SH3PXD2A: variants seen among roughly 807,000 people sequenced by gnomAD.
SH3PXD2A encodes SH3 and PX domain-containing protein 2A.
Under a neutral mutation model 115.2 loss-of-function variants are expected in SH3PXD2A, and 32 were observed. The ratio of observed to expected loss-of-function variants is 0.28; its 90% CI spans 0.21 to 0.37. The LOEUF (loss-of-function observed/expected upper bound fraction) is 0.37, where lower values mean the gene tolerates loss of function less well. Among genes scored for constraint, SH3PXD2A ranks in the 10% least tolerant of loss-of-function variants. The pLI is 1.00. For synonymous variants in SH3PXD2A, 610 were observed against 629.1 expected (o/e 0.97, Z 0.45); for missense variants, 1,328 against 1,498.7 (o/e 0.89, Z 1.88).
chr10:103,732,942 G>A (rs2038339436), intron 4 of SH3PXD2A, among the ~76,000 whole-genome samples: 1 of 152,188 alleles, frequency 6.6e-6, no homozygotes, highest in South Asian at 2.1e-4. Context: ...ATAGCTAGGT[G>A]GCAGTGGCCA....
chr10:103,836,039 C>T (rs73340551), intron 1 of SH3PXD2A, among the ~76,000 whole-genome samples: 30,598 of 152,072 alleles, frequency 0.2, 3,651 homozygotes, highest in Non-Finnish European at 0.27. Context: ...GAGTGAGTGA[C>T]TCAGCCTTTC....
At chr10:103,792,036 C>T (rs1029746349) in intron 2 of SH3PXD2A, among the ~76,000 whole-genome samples, 1 of 152,046 alleles carries the variant, frequency 6.6e-6, no homozygotes, top group Non-Finnish European at 1.5e-5. Flanking sequence ...AGGCCACAGG[C>T]ACAAGTTGAA....
chr10:103,818,652 A>G (rs1305860519), intron 1 of SH3PXD2A, among the ~76,000 whole-genome samples: 2 of 152,186 alleles, frequency 1.3e-5, no homozygotes, highest in African/African-American at 4.8e-5. Context: ...GGATAGAGAA[A>G]CTGCACTTAA....
intron 10 of SH3PXD2A, among the ~76,000 whole-genome samples, chr10:103,618,204 G>A (rs1431053310): frequency 6.6e-6 from 1 of 152,230 alleles, no homozygotes; most frequent in Non-Finnish European, 1.5e-5. Flanking sequence ...GGGAGGGCAG[G>A]TGTGGGGAGA....
At chr10:103,823,803 G>A (rs2039403644) in intron 1 of SH3PXD2A, among the ~76,000 whole-genome samples, 1 of 152,228 alleles carries the variant, frequency 6.6e-6, no homozygotes, top group South Asian at 2.1e-4. Context: ...GGGAGTGGGA[G>A]GCAGGGAGGT....
intron 6 of SH3PXD2A, among the ~76,000 whole-genome samples, chr10:103,688,626 G>T (rs151295351): frequency 3.9e-5 from 6 of 152,332 alleles, no homozygotes; most frequent in African/African-American, 1.2e-4. Context: ...AGGCCACGTA[G>T]AAGAATGTGT....
Position 103,594,259 on chromosome 10 carries a change from A to C in SH3PXD2A, c.*7557T>G, listed in dbSNP as rs959555439. ...GCATTTTTGTGATGAGATTAAAAAC[A>C]AACCAACTCCACTATTAAAAATGCT... On this transcript the variant is annotated 3_prime_UTR_variant, in exon 15 of 15. Coordinates refer to ENST00000369774, the MANE Select transcript of SH3PXD2A (RefSeq NM_001394015.1). 2.3e-4 allele frequency: 35 copies of C among 152,756 alleles called. No homozygotes were observed. The highest frequency in any genetic ancestry group is 7.7e-4 in the African/African-American group (32 of 41,574). The allele number at this position is 152,756 out of a possible 1,614,324, so 9.5% of individuals were successfully genotyped here.
intron 2 of SH3PXD2A, among the ~76,000 whole-genome samples, chr10:103,769,889 A>G (rs982060556): frequency 2.0e-5 from 3 of 152,216 alleles, no homozygotes. Context: ...ATACATTTTC[A>G]AATAAATTCT....
At chr10:103,745,992 T>C (rs1018035722) in intron 3 of SH3PXD2A, 15 of 152,290 alleles carry the variant, frequency 9.8e-5, no homozygotes, top group African/African-American at 3.6e-4. Context: ...CCACTGGGGT[T>C]CACGACAGAG....
intron 3 of SH3PXD2A, among the ~76,000 whole-genome samples, chr10:103,741,852 A>G (rs1015001427): frequency 2.0e-5 from 3 of 152,224 alleles, no homozygotes; most frequent in Admixed American, 6.5e-5. Context: ...GGCTTAAAAT[A>G]ACAGGAATTT....
intron 2 of SH3PXD2A, among the ~76,000 whole-genome samples, chr10:103,768,984 T>C (rs2038787241): frequency 6.6e-6 from 1 of 152,066 alleles, no homozygotes; most frequent in African/African-American, 2.4e-5. Flanking sequence ...CACTCATTAC[T>C]ATGAGAACAG....
chr10:103,623,515 T>C (rs1374402946), intron 9 of SH3PXD2A, among the ~76,000 whole-genome samples: 1 of 150,374 alleles, frequency 6.7e-6, no homozygotes, highest in Admixed American at 6.6e-5. Context: ...GGTCTGGGGG[T>C]GGGAGAGGGG....
intron 1 of SH3PXD2A, among the ~76,000 whole-genome samples, chr10:103,845,273 G>A (rs1589482044): frequency 6.7e-6 from 1 of 150,014 alleles, no homozygotes; most frequent in Non-Finnish European, 1.5e-5. Context: ...GGACGTTGCA[G>A]TGAGCCAAGA....
At chr10:103,621,002 A>G (rs2036594831) in intron 10 of SH3PXD2A, among the ~76,000 whole-genome samples, 1 of 152,174 alleles carries the variant, frequency 6.6e-6, no homozygotes, top group African/African-American at 2.4e-5. Flanking sequence ...CAGAAGACAC[A>G]TGGCACGGTG....
rs1261389191 is a variant in SH3PXD2A, at chr10:103,661,109, C to T, written c.478G>A (p.Asp160Asn). The change falls in exon 8 of 15, where the codon GAC becomes AAC. Residue 160 changes from aspartate to asparagine, a missense_variant. Asp to Asn is a conservative substitution (Grantham distance 23, BLOSUM62 1). Coordinates refer to ENST00000369774, the MANE Select transcript of SH3PXD2A (RefSeq NM_001394015.1). Reference sequence around the variant, plus strand: ...AGGATCATGGGCTCGGCGGTGGCGTCGGCACCTGGCGAGGGCAGAAAGCAC... The same window carrying T: ...AGGATCATGGGCTCGGCGGTGGCGTTGGCACCTGGCGAGGGCAGAAAGCAC... ...ESPKKDVTGA[D>N]ATAEPMILEQ... 3 of 1,612,754 alleles carry T rather than the reference C, an allele frequency of 1.9e-6. No individual in the cohort carries two copies. Among genetic ancestry groups the T allele is most frequent in the African/African-American group, 1.3e-5 (1 of 74,844 alleles).
intron 2 of SH3PXD2A, among the ~76,000 whole-genome samples, chr10:103,785,943 G>A (rs1213457062): frequency 4.0e-5 from 6 of 151,872 alleles, no homozygotes; most frequent in Non-Finnish European, 8.8e-5. Flanking sequence ...TCAGGGAAAG[G>A]TCACAGGAAC....
intron 3 of SH3PXD2A, chr10:103,736,697 G>T: frequency 1.9e-6 from 2 of 1,055,806 alleles, no homozygotes; most frequent in South Asian, 1.3e-5. Context: ...CCATTCCTAG[G>T]CTATCTGCCA....
At chr10:103,829,562 C>G (rs2039465436) in intron 1 of SH3PXD2A, among the ~76,000 whole-genome samples, 2 of 152,112 alleles carry the variant, frequency 1.3e-5, no homozygotes, top group South Asian at 2.1e-4. Context: ...TTACTGAGCA[C>G]CTGCTAAGTG....
At chr10:103,643,545 G>C (rs759242291) in intron 8 of SH3PXD2A, among the ~76,000 whole-genome samples, 1 of 152,172 alleles carries the variant, frequency 6.6e-6, no homozygotes, top group Non-Finnish European at 1.5e-5. Context: ...AGAGAGCAAG[G>C]CAAGTTCTAG....
Sources: allele counts gnomAD v4.1 joint callset (sites outside exome capture counted in the v4.1 genomes callset), GRCh38; gene constraint gnomAD v4.1.1; transcripts MANE v1.5; gene names NCBI Gene and HGNC (gene_info 2026-07-23, HGNC 2026-07-21).